Variants in L3HYPDH observed in about 807,000 individuals in gnomAD.
The protein encoded by L3HYPDH is trans-3-hydroxy-L-proline dehydratase.
In L3HYPDH, 32 loss-of-function variants were observed where a neutral mutation model predicts 26.5. The ratio of observed to expected loss-of-function variants is 1.21; its 90% confidence interval spans 0.91 to 1.62. L3HYPDH has a LOEUF of 1.62. L3HYPDH is among the 40% of genes most tolerant of loss of function. The probability of loss-of-function intolerance (pLI) is 0.00; values close to 1 mark genes in which losing one functional copy is unlikely to be tolerated. For missense variants in L3HYPDH, 554 were observed against 476.4 expected (o/e 1.16, Z -1.52); for synonymous variants, 215 against 196.6 (o/e 1.09, Z -0.78).
At chr14:59,503,802 C>G in the L3HYPDH span, 9 of 1,108,930 alleles carry the variant, frequency 8.1e-6, no homozygotes, top group East Asian at 1.9e-4. Flanking sequence ...ACCCAGCTGA[C>G]TTAGCCTGAT....
At chr14:59,501,380 GC>G in the L3HYPDH span, 6 of 634,492 alleles carry the variant, frequency 9.5e-6, no homozygotes, top group Admixed American at 2.0e-4. Flanking sequence ...GTAATCTTTG[GC>G]TGATTGATGC....
At position 59,476,202 on chromosome 14, in the gene L3HYPDH, G is replaced by T; in HGVS notation, c.691C>A (p.His231Asn). 1 of 1,585,310 alleles carries T rather than the reference G, an allele frequency of 6.3e-7. No individual in the cohort carries two copies. Among genetic ancestry groups the T allele is most frequent in the Non-Finnish European group, 8.6e-7 (1 of 1,164,688 alleles). Residue 231 changes from histidine (H) to asparagine (N), a missense_variant, in exon 3 of 5, where the codon CAT becomes AAT. Physicochemically the swap from His to Asn is moderately conservative, Grantham distance 68. Transcript: ENST00000247194. Reference sequence around the variant, plus strand: ...AAGGCAAGGTCTTCACTATCAGGATGATTAATTTTAAACTGCAAGTAACAA... The same window carrying T: ...AAGGCAAGGTCTTCACTATCAGGATTATTAATTTTAAACTGCAAGTAACAA... ...EAVKAQFKIN[H>N]PDSEDLAFLY...
At chr14:59,477,130 G>A (rs937674545) in intron 2 of L3HYPDH, among the ~76,000 whole-genome samples, 5 of 152,122 alleles carry the variant, frequency 3.3e-5, no homozygotes, top group Admixed American at 2.6e-4. Flanking sequence ...AAAGTGATAC[G>A]CCCCACCTCC....
upstream of L3HYPDH, chr14:59,485,489 C>A (rs903336461): frequency 2.2e-5 from 4 of 178,546 alleles, no homozygotes; most frequent in Admixed American, 6.2e-5. Flanking sequence ...AGTAAAAAGT[C>A]TGCTTGAATG....
the L3HYPDH span, among the ~76,000 whole-genome samples, chr14:59,493,434 C>G: frequency 6.6e-6 from 1 of 152,172 alleles, no homozygotes; most frequent in South Asian, 2.1e-4. Context: ...AAAGAACTGC[C>G]CAGTTGAGCC....
chr14:59,484,462 A>T, upstream of L3HYPDH: 1 of 1,388,882 alleles, frequency 7.2e-7, no homozygotes, highest in South Asian at 1.3e-5. Flanking sequence ...GAAGCGAGGG[A>T]GGAACTTCGG....
intron 2 of L3HYPDH, among the ~76,000 whole-genome samples, chr14:59,477,933 A>C (rs1183503607): frequency 1.3e-5 from 2 of 152,216 alleles, no homozygotes; most frequent in Non-Finnish European, 1.5e-5. Flanking sequence ...CCCAATTTCA[A>C]GGTAAAATGT....
chr14:59,490,543 CTG>C, the L3HYPDH span, among the ~76,000 whole-genome samples: 1 of 152,038 alleles, frequency 6.6e-6, no homozygotes, highest in African/African-American at 2.4e-5. Context: ...TAATAGAAGA[CTG>C]TTGTCAAAGA....
intron 4 of L3HYPDH, 104 bp from the exon 5 acceptor site, chr14:59,473,194 G>A (rs1230244568): frequency 9.1e-7 from 1 of 1,095,406 alleles, no homozygotes. Context: ...AAAGGCCAAG[G>A]GTTAATCCTA....
intron 1 of L3HYPDH, chr14:59,483,386 A>G (rs1890197835): frequency 2.5e-6 from 1 of 394,606 alleles, no homozygotes; most frequent in South Asian, 8.5e-5. Flanking sequence ...GACCAGGTTT[A>G]GTAACTTATT....
At chr14:59,469,587 A>AC (rs1400712018), downstream of L3HYPDH, among the ~76,000 whole-genome samples, 2 of 119,582 alleles carry the variant, frequency 1.7e-5, no homozygotes, top group Non-Finnish European at 3.6e-5. Flanking sequence ...AAAAAAAAAA[A>AC]GGTTGGGGGG....
Position 59,483,918 on chromosome 14 carries a change from G to C in L3HYPDH, c.399C>G (p.Val133=), listed in dbSNP as rs781370905. 3 of 1,557,616 alleles carry C rather than the reference G, an allele frequency of 1.9e-6. No homozygotes were observed. The highest frequency in any genetic ancestry group is 1.7e-6 in the Non-Finnish European group (2 of 1,157,418). ...CCAGCCCGCAGGGGCAGTGGATATT[G>C]ACGCGGGCCTCGCGGGTGCCCGCAG... ...APPAGTREAR[V]NIHCPCGLVT... Residue 133 remains valine, a synonymous_variant, in exon 1 of 5, where the codon GTC becomes GTG. Transcript: ENST00000247194.
chr14:59,483,524 C>T, intron 1 of L3HYPDH: 1 of 1,361,842 alleles, frequency 7.3e-7, no homozygotes, highest in Non-Finnish European at 9.4e-7. Flanking sequence ...TCTAGGAATG[C>T]CTCACCAGTG....
intron 2 of L3HYPDH, among the ~76,000 whole-genome samples, chr14:59,477,814 C>A (rs918459294): frequency 6.6e-6 from 1 of 152,152 alleles, no homozygotes; most frequent in Admixed American, 6.5e-5. Flanking sequence ...ATTATTCGTA[C>A]ATTAGACACT....
chr14:59,467,374 C>A (rs960713220), intron 1 of L3HYPDH, among the ~76,000 whole-genome samples: 6 of 152,142 alleles, frequency 3.9e-5, no homozygotes, highest in Admixed American at 3.9e-4. Flanking sequence ...GCCTTGTAGG[C>A]CATGCTCTGG....
At chr14:59,500,580 A>G in the L3HYPDH span, among the ~76,000 whole-genome samples, 6 of 152,204 alleles carry the variant, frequency 3.9e-5, no homozygotes, top group Non-Finnish European at 7.4e-5. Flanking sequence ...TTGCTAAATG[A>G]CCTTTTCTAA....
At chr14:59,487,965 A>C (rs924121326), upstream of L3HYPDH, 1 of 837,898 alleles carries the variant, frequency 1.2e-6, no homozygotes, top group Non-Finnish European at 1.9e-6. Context: ...GATTATTCTT[A>C]ACTGTGACAA....
At chr14:59,496,134 G>A in the L3HYPDH span, among the ~76,000 whole-genome samples, 1 of 152,136 alleles carries the variant, frequency 6.6e-6, no homozygotes, top group Non-Finnish European at 1.5e-5. Flanking sequence ...TTGAACTCCT[G>A]GCCTTAAGTG....
chr14:59,475,717 A>T, intron 4 of L3HYPDH, 152 bp downstream of exon 4: 1 of 811,924 alleles, frequency 1.2e-6, no homozygotes, highest in Non-Finnish European at 1.9e-6. Context: ...ACACTGGATA[A>T]CCAATGTCCT....
Sources: gnomAD v4.1 joint callset for allele counts (sites outside exome capture counted in the v4.1 genomes callset) on GRCh38, gnomAD v4.1.1 for gene constraint, MANE v1.5 for transcripts, NCBI Gene and HGNC (gene_info 2026-07-23, HGNC 2026-07-21) for gene names.